Variants in CRACDL observed in about 807,000 individuals in gnomAD.
CRACDL encodes the protein CRACD-like protein.
Under a neutral mutation model 70.6 loss-of-function variants are expected in CRACDL, and 26 were observed. The observed-to-expected ratio is 0.37, with a 90% CI of 0.27 to 0.51. The LOEUF is 0.51. CRACDL is among the 20% of genes least tolerant of loss of function. The probability of loss-of-function intolerance (pLI) is 0.94; values close to 1 mark genes in which losing one functional copy is unlikely to be tolerated. For missense variants in CRACDL, 1,283 were observed against 1,376.9 expected, an observed-to-expected ratio of 0.93 and a Z score of 1.08; for synonymous variants, 618 against 615.2, an observed-to-expected ratio of 1.00 and a Z score of -0.07.
At chr2:98,924,266 G>A (rs1558642018) in intron 1 of CRACDL, among the ~76,000 whole-genome samples, 1 of 152,158 alleles carries the variant, frequency 6.6e-6, no homozygotes. Flanking sequence ...GGAGCTGCCA[G>A]CTCGGGATCC....
At chr2:98,798,360 C>T (rs1362899409) in intron 7 of CRACDL, among the ~76,000 whole-genome samples, 3 of 134,772 alleles carry the variant, frequency 2.2e-5, no homozygotes, top group Non-Finnish European at 3.1e-5. Context: ...AGGAGAATGG[C>T]GTGAACCCGG....
chr2:98,904,514 A>G (rs1708357187), intron 1 of CRACDL, among the ~76,000 whole-genome samples: 1 of 152,176 alleles, frequency 6.6e-6, no homozygotes, highest in South Asian at 2.1e-4. Flanking sequence ...GCAGATGAAG[A>G]CGTCATTTTT....
At chr2:98,828,449 A>C (rs539655491) in intron 5 of CRACDL, among the ~76,000 whole-genome samples, 1 of 152,246 alleles carries the variant, frequency 6.6e-6, no homozygotes, top group Admixed American at 6.5e-5. Context: ...GAGACAACAC[A>C]CCAGTGCCGT....
intron 1 of CRACDL, among the ~76,000 whole-genome samples, chr2:98,885,266 C>T (rs924722882): frequency 2.6e-5 from 4 of 152,138 alleles, no homozygotes; most frequent in Admixed American, 6.6e-5. Context: ...AATATGGGAT[C>T]GGAACTCCTG....
chr2:98,923,975 A>C (rs1708859525), intron 1 of CRACDL, among the ~76,000 whole-genome samples: 1 of 152,236 alleles, frequency 6.6e-6, no homozygotes, highest in African/African-American at 2.4e-5. Context: ...GAAGAGCTTA[A>C]GCCACAAGTT....
chr2:98,852,820 A>G (rs1480832747), intron 1 of CRACDL, among the ~76,000 whole-genome samples: 2 of 152,070 alleles, frequency 1.3e-5, no homozygotes, highest in Non-Finnish European at 2.9e-5. Flanking sequence ...GTGAATCTGA[A>G]CACAGCCTCA....
chr2:98,798,443 CAAAAA>C (rs70940125), intron 7 of CRACDL, among the ~76,000 whole-genome samples: 6 of 44,354 alleles, frequency 1.4e-4, no homozygotes, highest in African/African-American at 3.2e-4. Flanking sequence ...GACTCCGTCT[CAAAAA>C]AAAAAAAAAA....
At chr2:98,876,089 C>T (rs1044068611) in intron 1 of CRACDL, among the ~76,000 whole-genome samples, 4 of 152,168 alleles carry the variant, frequency 2.6e-5, no homozygotes, top group African/African-American at 9.7e-5. Context: ...ATCTCCCTGA[C>T]CTGGGAGAAC....
At chr2:98,813,786 G>C (rs1704670405) in intron 7 of CRACDL, among the ~76,000 whole-genome samples, 1 of 151,982 alleles carries the variant, frequency 6.6e-6, no homozygotes, top group African/African-American at 2.4e-5. Flanking sequence ...TTGTATAATT[G>C]GTGTTATTTC....
chr2:98,824,119 A>G (rs1001603183), intron 6 of CRACDL, among the ~76,000 whole-genome samples: 5 of 152,222 alleles, frequency 3.3e-5, no homozygotes, highest in African/African-American at 1.2e-4. Flanking sequence ...TATCATGCCA[A>G]TAGCTAACCA....
intron 7 of CRACDL, among the ~76,000 whole-genome samples, chr2:98,812,419 A>C (rs1362480032): frequency 1.3e-5 from 2 of 152,226 alleles, no homozygotes; most frequent in East Asian, 1.9e-4. Context: ...GAAATTGCCA[A>C]ACTGTTTTCC....
At chr2:98,935,003 G>T (rs1048257430) in intron 1 of CRACDL, among the ~76,000 whole-genome samples, 1 of 152,174 alleles carries the variant, frequency 6.6e-6, no homozygotes, top group African/African-American at 2.4e-5. Flanking sequence ...AACCTCAATA[G>T]GTTCTTAGGA....
chr2:98,839,039 G>T (rs1446765080), intron 2 of CRACDL, among the ~76,000 whole-genome samples: 1 of 152,216 alleles, frequency 6.6e-6, no homozygotes, highest in African/African-American at 2.4e-5. Flanking sequence ...AATAGTTACA[G>T]AACTGACAGT....
intron 7 of CRACDL, among the ~76,000 whole-genome samples, chr2:98,819,967 G>A (rs903209937): frequency 7.3e-5 from 11 of 151,432 alleles, no homozygotes; most frequent in South Asian, 4.2e-4. Flanking sequence ...TTAGAGGTGC[G>A]CGCCACCATG....
chr2:98,856,696 G>A (rs1190269598), intron 1 of CRACDL, among the ~76,000 whole-genome samples: 4 of 152,126 alleles, frequency 2.6e-5, no homozygotes, highest in Admixed American at 1.3e-4. Flanking sequence ...ACAACAAAAA[G>A]GAGGAGGGTA....
intron 1 of CRACDL, among the ~76,000 whole-genome samples, chr2:98,847,395 T>A (rs58676789): frequency 0.03 from 4,630 of 152,354 alleles, 149 homozygotes; most frequent in East Asian, 0.092. Context: ...ACATTGAAAT[T>A]CTTTTTTGAA....
chr2:98,926,816 C>T (rs991735046), intron 1 of CRACDL, among the ~76,000 whole-genome samples: 11 of 152,310 alleles, frequency 7.2e-5, no homozygotes, highest in East Asian at 1.9e-4. Flanking sequence ...CTCCTTCCCA[C>T]GCCTGCAGCG....
chr2:98,797,877 T>C (rs1703896097), intron 7 of CRACDL, among the ~76,000 whole-genome samples: 1 of 152,166 alleles, frequency 6.6e-6, no homozygotes, highest in Non-Finnish European at 1.5e-5. Flanking sequence ...TTTGGACCAG[T>C]ATGTACTGGT....
At chr2:98,901,336 T>A (rs1334706676) in intron 1 of CRACDL, among the ~76,000 whole-genome samples, 8 of 152,100 alleles carry the variant, frequency 5.3e-5, no homozygotes, top group Non-Finnish European at 1.0e-4. Context: ...CTGGTTTTAG[T>A]TCCCACCAAG....
Sources: allele counts gnomAD v4.1 joint callset (sites outside exome capture counted in the v4.1 genomes callset), GRCh38; gene constraint gnomAD v4.1.1; transcripts MANE v1.5; gene names NCBI Gene and HGNC (gene_info 2026-07-23, HGNC 2026-07-21).